The following STARD13 variants were observed in gnomAD, a reference collection of about 807,000 sequenced individuals.
The protein encoded by STARD13 is StAR related lipid transfer domain containing 13.
Under a neutral mutation model 106.4 loss-of-function variants are expected in STARD13, and 62 were observed. That is an observed-to-expected ratio of 0.58 (90% CI 0.48 to 0.72). The LOEUF (loss-of-function observed/expected upper bound fraction) is 0.72. STARD13 is among the 30% of genes least tolerant of loss of function. The pLI is 0.00. For missense variants in STARD13, 1,387 were observed against 1,424.0 expected (o/e 0.97, Z 0.42); for synonymous variants, 565 against 553.0 (o/e 1.02, Z -0.31).
chr13:33,602,580 G>T, the STARD13 span, among the ~76,000 whole-genome samples: 1 of 152,206 alleles, frequency 6.6e-6, no homozygotes, highest in African/African-American at 2.4e-5. Context: ...GTTGAGACAT[G>T]TTCAAGATGG....
At chr13:33,632,009 T>C in the STARD13 span, among the ~76,000 whole-genome samples, 8 of 152,198 alleles carry the variant, frequency 5.3e-5, no homozygotes, top group Admixed American at 4.6e-4. Context: ...CTGATCGTAG[T>C]GTTGTCAAAG....
rs148683439 is a variant in STARD13 at position 33,193,233 on chromosome 13, G to C, written c.170-25611C>G. Among the ~76,000 whole-genome samples the C allele has an allele frequency of 6.9e-3, 1,056 of 152,262 alleles. 11 individuals are homozygous for C. Among genetic ancestry groups the C allele is most frequent in the African/African-American group, 0.025 (1,025 of 41,548 alleles). ...TTCACCACAGCAGCATGTAGTATGA[G>C]GAGTAAGAAAAGAGATCATCTATAC... On this transcript the variant is annotated intron_variant, in intron 1 of 13. Transcript: ENST00000336934.
chr13:33,308,773 C>T (rs537997944), intron 1 of STARD13, among the ~76,000 whole-genome samples: 28 of 152,292 alleles, frequency 1.8e-4, no homozygotes, highest in Non-Finnish European at 3.7e-4. Context: ...ATCCACCCGC[C>T]TTGGCCTCCC....
At chr13:33,511,701 G>A in the STARD13 span, among the ~76,000 whole-genome samples, 1 of 152,146 alleles carries the variant, frequency 6.6e-6, no homozygotes, top group Non-Finnish European at 1.5e-5. Context: ...CCCCACTAGA[G>A]TCAAGTACAA....
chr13:33,136,117 C>T (rs1243900521), intron 4 of STARD13, among the ~76,000 whole-genome samples: 3 of 128,300 alleles, frequency 2.3e-5, no homozygotes, highest in South Asian at 2.4e-4. Context: ...TGAGACTCTA[C>T]CTCAAAAAAA....
chr13:33,129,571 A>C lies in STARD13; in HGVS notation c.1106T>G (p.Val369Gly). Residue 369 changes from valine to glycine, a missense_variant, in exon 5 of 14, where the codon GTG becomes GGG. By Grantham distance (109) the Val-to-Gly change is moderately radical. Coordinates refer to ENST00000336934, the MANE Select transcript of STARD13 (RefSeq NM_178006.4). ...RGGMYLEDLD[V>G]LAGTALPDAG... The stretch of plus-strand genomic sequence containing the variant: ...ATCCGGCAGTGCTGTCCCCGCCAGC[A>C]CATCTAGGTCCTCCAAGTACATGCC... 6.2e-7 allele frequency: 1 copy of C among 1,614,138 alleles called. No individual in the cohort carries two copies. The highest frequency in any genetic ancestry group is 1.6e-4 in the Middle Eastern group (1 of 6,062).
the STARD13 span, among the ~76,000 whole-genome samples, chr13:33,383,991 C>T: frequency 6.6e-6 from 1 of 152,028 alleles, no homozygotes; most frequent in Admixed American, 6.6e-5. Flanking sequence ...ATTAATTTAG[C>T]CTGACCAACC....
chr13:33,499,544 T>G, the STARD13 span, among the ~76,000 whole-genome samples: 4 of 51,466 alleles, frequency 7.8e-5, 1 homozygote, highest in African/African-American at 2.8e-4. Context: ...CTTCTTCTTC[T>G]TCTTCTTCTT....
the STARD13 span, among the ~76,000 whole-genome samples, chr13:33,363,329 A>G: frequency 6.6e-6 from 1 of 152,192 alleles, no homozygotes; most frequent in Non-Finnish European, 1.5e-5. Context: ...TTCCATGCCT[A>G]TCTGGCAAAA....
At chr13:33,256,055 A>G (rs1331503967) in intron 1 of STARD13, among the ~76,000 whole-genome samples, 1 of 152,254 alleles carries the variant, frequency 6.6e-6, no homozygotes, top group Non-Finnish European at 1.5e-5. Context: ...TCATTAATGA[A>G]GCCTACTGAA....
the STARD13 span, among the ~76,000 whole-genome samples, chr13:33,379,994 A>G: frequency 7.5e-6 from 1 of 132,464 alleles, no homozygotes; most frequent in East Asian, 1.9e-4. Flanking sequence ...TCATAAAAAC[A>G]CATAATTTTA....
chr13:33,232,478 C>G (rs1888972685), intron 1 of STARD13, among the ~76,000 whole-genome samples: 2 of 151,988 alleles, frequency 1.3e-5, no homozygotes, highest in Admixed American at 6.5e-5. Flanking sequence ...CAGAGGGATA[C>G]TGTACTCTGT....
At chr13:33,589,640 T>G in the STARD13 span, among the ~76,000 whole-genome samples, 1 of 152,236 alleles carries the variant, frequency 6.6e-6, no homozygotes, top group Admixed American at 6.5e-5. Flanking sequence ...GAGTTCTAGT[T>G]TGATTGCACT....
chr13:33,427,278 T>C, the STARD13 span, among the ~76,000 whole-genome samples: 185 of 152,294 alleles, frequency 1.2e-3, 1 homozygote, highest in African/African-American at 4.2e-3. Flanking sequence ...GGCCTCTCTA[T>C]CCCAAATGCC....
chr13:33,559,116 T>A, the STARD13 span, among the ~76,000 whole-genome samples: 8 of 151,752 alleles, frequency 5.3e-5, no homozygotes, highest in Admixed American at 5.2e-4. Flanking sequence ...TAGCAAAGAC[T>A]GTTCGGTTTC....
chr13:33,593,944 T>C, the STARD13 span, among the ~76,000 whole-genome samples: 1 of 152,176 alleles, frequency 6.6e-6, no homozygotes, highest in Admixed American at 6.5e-5. Flanking sequence ...TCTTGCTCTG[T>C]CGCTCAGGCT....
chr13:33,256,332 C>G (rs987886701), intron 1 of STARD13, among the ~76,000 whole-genome samples: 1 of 152,208 alleles, frequency 6.6e-6, no homozygotes, highest in African/African-American at 2.4e-5. Context: ...GACTAAGAGG[C>G]TGCTCCTCCA....
intron 7 of STARD13, among the ~76,000 whole-genome samples, chr13:33,123,590 G>A (rs568361896): frequency 3.9e-5 from 6 of 152,264 alleles, no homozygotes; most frequent in Admixed American, 2.0e-4. Flanking sequence ...ACAAAGCAAG[G>A]CTCCTCTTAC....
At chr13:33,216,559 T>C (rs559694006) in intron 1 of STARD13, among the ~76,000 whole-genome samples, 1 of 151,968 alleles carries the variant, frequency 6.6e-6, no homozygotes, top group Non-Finnish European at 1.5e-5. Flanking sequence ...TTGGGGACTC[T>C]GGGGGAAAGG....
Sources: allele counts gnomAD v4.1 joint callset (sites outside exome capture counted in the v4.1 genomes callset), GRCh38; gene constraint gnomAD v4.1.1; transcripts MANE v1.5; gene names NCBI Gene and HGNC (gene_info 2026-07-23, HGNC 2026-07-21).